The following GTF2F2 variants were observed in gnomAD, a reference collection of about 807,000 sequenced individuals.
GTF2F2 encodes general transcription factor IIF subunit 2.
Under a neutral mutation model 42.2 loss-of-function variants are expected in GTF2F2, and 23 were observed. The observed-to-expected ratio is 0.55, with a 90% CI of 0.39 to 0.77. GTF2F2 has a LOEUF of 0.77. GTF2F2 is among the 30% of genes least tolerant of loss of function. GTF2F2 has a pLI of 0.00. For missense variants in GTF2F2, 261 were observed against 287.2 expected (o/e 0.91, Z 0.66); for synonymous variants, 105 against 100.8 (o/e 1.04, Z -0.25).
rs1318014239 is a variant in GTF2F2 at position 45,252,050 on chromosome 13, CTAAGA to C, written c.387-818_387-814del. ...TATACTTAATATAAAACAAAATATC[CTAAGA>C]TAGCTACTTAAATATACATGTACTA... On this transcript the variant is annotated intron_variant, in intron 5 of 7. Transcript: ENST00000340473. Among the ~76,000 whole-genome samples, 3 of 152,102 alleles carry C rather than the reference CTAAGA, an allele frequency of 2.0e-5. No homozygotes were observed. In the East Asian group the frequency reaches 5.8e-4, roughly 29 times the overall value.
intron 7 of GTF2F2, among the ~76,000 whole-genome samples, chr13:45,276,897 A>G (rs933527574): frequency 1.3e-5 from 2 of 152,254 alleles, no homozygotes; most frequent in South Asian, 2.1e-4. Context: ...GCACACAAAT[A>G]TTAACGCAAT....
intron 2 of GTF2F2, among the ~76,000 whole-genome samples, chr13:45,143,999 C>G (rs1593452507): frequency 6.6e-6 from 1 of 152,224 alleles, no homozygotes; most frequent in East Asian, 1.9e-4. Context: ...CACCTGTAAT[C>G]CTAACACTTT....
At chr13:45,217,909 T>G (rs1233994662) in intron 5 of GTF2F2, among the ~76,000 whole-genome samples, 1 of 152,258 alleles carries the variant, frequency 6.6e-6, no homozygotes, top group Non-Finnish European at 1.5e-5. Flanking sequence ...TCTGATCTTT[T>G]CTAGCCTGTC....
Position 45,252,896 on chromosome 13 carries a change from C to A in GTF2F2, c.412C>A (p.Pro138Thr). The change falls in exon 6 of 8, where the codon CCA becomes ACA. Residue 138 changes from proline (P) to threonine (T), a missense_variant. Transcript: ENST00000340473. Reference protein sequence around the residue: ...KRLQIEESSKPVRLSQQLDKV... With the variant: ...KRLQIEESSKTVRLSQQLDKV... ...ATTGCAAATAGAAGAGTCTTCCAAA[C>A]CAGTGAGGCTATCACAACAGCTGGA... is the stretch of plus-strand genomic sequence containing the variant. 2 of 1,503,796 alleles carry A rather than the reference C, an allele frequency of 1.3e-6. No individual in the cohort carries two copies. Among genetic ancestry groups the A allele is most frequent in the Non-Finnish European group, 1.8e-6 (2 of 1,126,154 alleles). The allele number at this position is 1,503,796 out of a possible 1,614,324, so 93.2% of individuals were successfully genotyped here.
intron 2 of GTF2F2, among the ~76,000 whole-genome samples, chr13:45,147,003 C>CT (rs1275334681): frequency 6.6e-6 from 1 of 152,132 alleles, no homozygotes; most frequent in Non-Finnish European, 1.5e-5. Context: ...CAAGGATTAG[C>CT]TTTTTTTCCT....
chr13:45,193,819 A>C (rs1466045670), intron 4 of GTF2F2: 3 of 1,606,068 alleles, frequency 1.9e-6, no homozygotes, highest in Non-Finnish European at 2.5e-6. Flanking sequence ...ATCGCTGTGA[A>C]CAATTGACCC....
At chr13:45,252,193 A>G (rs959746996) in intron 5 of GTF2F2, among the ~76,000 whole-genome samples, 26 of 152,204 alleles carry the variant, frequency 1.7e-4, no homozygotes, top group African/African-American at 6.0e-4. Flanking sequence ...CCCAGGCTGG[A>G]GTGCAGTGGC....
intron 5 of GTF2F2, among the ~76,000 whole-genome samples, chr13:45,222,723 A>G (rs17066528): frequency 0.1 from 15,905 of 152,244 alleles, 2,238 homozygotes; most frequent in African/African-American, 0.32. Context: ...AGGAATGAAA[A>G]GATGAATAAG....
intron 4 of GTF2F2, among the ~76,000 whole-genome samples, chr13:45,152,827 C>G (rs1041718947): frequency 3.9e-5 from 6 of 152,250 alleles, no homozygotes; most frequent in African/African-American, 1.4e-4. Flanking sequence ...GTTTAGAATA[C>G]TATTAAAGCA....
At chr13:45,239,133 T>C (rs763246897) in intron 5 of GTF2F2, among the ~76,000 whole-genome samples, 5 of 152,032 alleles carry the variant, frequency 3.3e-5, no homozygotes, top group Admixed American at 6.6e-5. Flanking sequence ...CCCTCCCCAG[T>C]TTGGGCATCT....
chr13:45,170,291 T>TA (rs1190426780), intron 4 of GTF2F2, among the ~76,000 whole-genome samples: 23 of 152,330 alleles, frequency 1.5e-4, no homozygotes, highest in Non-Finnish European at 3.2e-4. Context: ...GGATTATAGG[T>TA]GTGAGCCACT....
intron 5 of GTF2F2, among the ~76,000 whole-genome samples, chr13:45,224,743 A>G (rs1185464298): frequency 2.6e-5 from 4 of 152,240 alleles, no homozygotes; most frequent in African/African-American, 7.2e-5. Flanking sequence ...AATGAACTCT[A>G]TTAAGCTGTT....
At chr13:45,127,160 A>G (rs1049795883) in intron 1 of GTF2F2, among the ~76,000 whole-genome samples, 2 of 152,134 alleles carry the variant, frequency 1.3e-5, no homozygotes, top group East Asian at 3.8e-4. Flanking sequence ...ATGTGCTATT[A>G]TTATTATTTT....
At chr13:45,222,861 A>G (rs1874174682) in intron 5 of GTF2F2, among the ~76,000 whole-genome samples, 1 of 152,204 alleles carries the variant, frequency 6.6e-6, no homozygotes, top group African/African-American at 2.4e-5. Context: ...TTTAGCTTTT[A>G]AGACTTGATT....
rs372488927 is a variant in GTF2F2 at position 45,245,666 on chromosome 13, AATATATATATAT to A, written c.387-7181_387-7170del. On this transcript the variant is annotated intron_variant, in intron 5 of 7. Coordinates refer to ENST00000340473, the MANE Select transcript of GTF2F2 (RefSeq NM_004128.3). ...TGGCTGAGTAGTATTCCATGGTGTG[AATATATATATAT>A]ATATATATATATATATATATATACA... Among the ~76,000 whole-genome samples, 133 of 110,862 alleles carry A rather than the reference AATATATATATAT, an allele frequency of 1.2e-3. 1 individual carries two copies. Among genetic ancestry groups the A allele is most frequent in the African/African-American group, 4.2e-3 (109 of 25,806 alleles). 72.7% of individuals were successfully genotyped at this position (110,862 alleles called of 152,430 possible).
intron 4 of GTF2F2, among the ~76,000 whole-genome samples, chr13:45,163,939 A>T (rs1383479215): frequency 4.6e-5 from 7 of 152,196 alleles, no homozygotes; most frequent in Non-Finnish European, 8.8e-5. Flanking sequence ...AGATCACTTA[A>T]GGCCAGGAGT....
chr13:45,169,283 A>G (rs770130805), intron 4 of GTF2F2, among the ~76,000 whole-genome samples: 1 of 152,146 alleles, frequency 6.6e-6, no homozygotes, highest in Non-Finnish European at 1.5e-5. Flanking sequence ...TGTCCTTATA[A>G]GAAAAGGAAA....
At chr13:45,223,374 A>G (rs1318132548) in intron 5 of GTF2F2, among the ~76,000 whole-genome samples, 1 of 152,150 alleles carries the variant, frequency 6.6e-6, no homozygotes, top group Non-Finnish European at 1.5e-5. Context: ...GCTAATACGA[A>G]CAAGAAATAC....
intron 1 of GTF2F2, among the ~76,000 whole-genome samples, chr13:45,121,357 T>G (rs539768373): frequency 6.6e-6 from 1 of 152,356 alleles, no homozygotes; most frequent in African/African-American, 2.4e-5. Flanking sequence ...GCTTTATTGT[T>G]TCATATTGGG....
Sources: allele counts gnomAD v4.1 joint callset (sites outside exome capture counted in the v4.1 genomes callset), GRCh38; gene constraint gnomAD v4.1.1; transcripts MANE v1.5; gene names NCBI Gene and HGNC (gene_info 2026-07-23, HGNC 2026-07-21).